The following PCDHGA11 variants were observed in gnomAD, a reference collection of about 807,000 sequenced individuals.
PCDHGA11 encodes protocadherin gamma subfamily A, 11.
In PCDHGA11, 39 loss-of-function variants were observed where a neutral mutation model predicts 60.4. That is an observed-to-expected ratio of 0.65 (90% CI 0.50 to 0.84). The LOEUF is 0.84. PCDHGA11 is among the 40% of genes least tolerant of loss of function. The pLI is 0.00. For synonymous variants in PCDHGA11, 533 were observed against 510.3 expected (o/e 1.04, Z -0.60); for missense variants, 1,165 against 1,197.7 (o/e 0.97, Z 0.40).
At chr5:141,427,770 C>T (rs775095791) in intron 1 of PCDHGA11, 2 of 1,399,194 alleles carry the variant, frequency 1.4e-6, no homozygotes, top group Non-Finnish European at 2.0e-6. Context: ...TGACTTGGAG[C>T]TGCGGGCACT....
rs779317191 is a variant in PCDHGA11, at chr5:141,432,553, C to G, written c.2433+8893C>G. The G allele has an allele frequency of 2.6e-5, 42 of 1,613,748 alleles. No individual in the cohort carries two copies. The highest frequency in any genetic ancestry group is 2.0e-4 in the South Asian group (18 of 91,068). The stretch of plus-strand genomic sequence containing the variant: ...AGGTGGTGGCGGTGGACAGAGACTC[C>G]GGCCAGAACGCCTGGCTGTCCTACC... On this transcript the variant is annotated intron_variant, in intron 1 of 3. Coordinates refer to ENST00000398587, the MANE Select transcript of PCDHGA11 (RefSeq NM_018914.3). The surrounding 1 kb of genome is among the most constrained non-coding windows in gnomAD (Gnocchi z 6.0).
chr5:141,433,256 C>T, intron 1 of PCDHGA11: 2 of 1,385,666 alleles, frequency 1.4e-6, no homozygotes, highest in Non-Finnish European at 2.0e-6. Context: ...TGCAGCGGTA[C>T]GATCATAGCT....
At chr5:141,463,518 G>C (rs537466389) in intron 1 of PCDHGA11, among the ~76,000 whole-genome samples, 1 of 139,068 alleles carries the variant, frequency 7.2e-6, no homozygotes, top group African/African-American at 2.8e-5. Context: ...GCGTGATCTC[G>C]GCTTACTAGA....
In PCDHGA11 at chr5:141,431,024, A is replaced by G; in HGVS notation, c.2433+7364A>G. ...CAGCGGCAGCTTGGTCACGGCGGGCAGGATAGACCGGGAGGAGCTCTGTAT... is the reference window on the plus strand; with the variant it reads ...CAGCGGCAGCTTGGTCACGGCGGGCGGGATAGACCGGGAGGAGCTCTGTAT... On this transcript the variant is annotated intron_variant, in intron 1 of 3. Transcript: ENST00000398587. The surrounding 1 kb of genome is among the most constrained non-coding windows in gnomAD (Gnocchi z 4.8). 2.5e-6 allele frequency: 4 copies of G among 1,614,024 alleles called. No homozygotes were observed. The highest frequency in any genetic ancestry group is 3.4e-6 in the Non-Finnish European group (4 of 1,179,926).
At chr5:141,423,852 G>T (rs796757517) in intron 1 of PCDHGA11, 192 bp downstream of exon 1, 36 of 1,279,400 alleles carry the variant, frequency 2.8e-5, no homozygotes, top group Non-Finnish European at 3.5e-5. Context: ...CTTTCAGAAC[G>T]TTTTTGTGAA....
chr5:141,485,185 G>C lies in PCDHGA11; in HGVS notation c.2434-9622G>C. On this transcript the variant is annotated intron_variant, in intron 1 of 3. Transcript: ENST00000398587. This position sits in a 1 kb window ranked among gnomAD's most constrained non-coding sequence, Gnocchi z 5.7. ...AGCGGGCGGCAGCAATGCTCCGCAA[G>C]GTGAGAAGCTGGACAGAAATCTGGC... 6.2e-7 allele frequency: 1 copy of C among 1,613,528 alleles called. No homozygotes were observed. Among genetic ancestry groups the C allele is most frequent in the Non-Finnish European group, 8.5e-7 (1 of 1,179,492 alleles).
In PCDHGA11 at chr5:141,486,913, G is replaced by A. The variant is rs2099636995; in HGVS notation, c.2434-7894G>A. ...CTGGTTCCTTATGTCCCCAAGCACT[G>A]CCTCCATCAGTTGGTGCTGGCCACC... On this transcript the variant is annotated intron_variant, in intron 1 of 3. Transcript: ENST00000398587. The surrounding 1 kb of genome is among the most constrained non-coding windows in gnomAD (Gnocchi z 5.0). The A allele has an allele frequency of 1.9e-6, 3 of 1,614,092 alleles. No individual in the cohort carries two copies. The highest frequency in any genetic ancestry group is 1.3e-5 in the African/African-American group (1 of 74,938).
At chr5:141,463,650 A>C (rs1206605758) in intron 1 of PCDHGA11, among the ~76,000 whole-genome samples, 1 of 151,746 alleles carries the variant, frequency 6.6e-6, no homozygotes, top group Non-Finnish European at 1.5e-5. Flanking sequence ...ACGGGGTTTC[A>C]CCGTGTTAGC....
intron 1 of PCDHGA11, among the ~76,000 whole-genome samples, chr5:141,451,606 G>C (rs2098720118): frequency 6.6e-6 from 1 of 152,152 alleles, no homozygotes; most frequent in Non-Finnish European, 1.5e-5. Flanking sequence ...ACAAGGCTAG[G>C]CATGGTGGCT....
At chr5:141,456,336 G>A (rs2098850873) in intron 1 of PCDHGA11, among the ~76,000 whole-genome samples, 1 of 152,242 alleles carries the variant, frequency 6.6e-6, no homozygotes, top group Non-Finnish European at 1.5e-5. Context: ...TGATCTAAGG[G>A]TCCTCGGAAG....
intron 2 of PCDHGA11, among the ~76,000 whole-genome samples, chr5:141,505,146 A>G (rs2099844101): frequency 6.6e-6 from 1 of 152,190 alleles, no homozygotes; most frequent in Non-Finnish European, 1.5e-5. Flanking sequence ...TGGATGACAG[A>G]GTAAGACCCT....
rs753936459 is a variant in PCDHGA11 at position 141,501,288 on chromosome 5, TATAC to T, written c.2493-4103_2493-4100del. Among the ~76,000 whole-genome samples the T allele has an allele frequency of 4.5e-4, 37 of 81,322 alleles. No homozygotes were observed. The South Asian group carries it at 5.1e-3, about 11-fold the overall frequency. 53.4% of individuals were successfully genotyped at this position (81,322 alleles called of 152,430 possible). A position where few individuals can be genotyped will look rare whatever the true frequency, so the allele number is the denominator to read the frequency against. ...TAGTCCAGTCTATGGGATATTCCCT[TATAC>T]ACACACACACACACACACACACACA... On this transcript the variant is annotated intron_variant, in intron 2 of 3. Coordinates refer to ENST00000398587, the MANE Select transcript of PCDHGA11 (RefSeq NM_018914.3).
intron 1 of PCDHGA11, chr5:141,440,531 C>G (rs931337116): frequency 6.6e-6 from 1 of 152,272 alleles, no homozygotes; most frequent in Middle Eastern, 3.4e-3. Flanking sequence ...GAATCATGCA[C>G]CACGGTTCAG....
chr5:141,474,847 GCCTTCT>G (rs906863967), intron 1 of PCDHGA11, among the ~76,000 whole-genome samples: 3 of 152,198 alleles, frequency 2.0e-5, no homozygotes, highest in African/African-American at 7.2e-5. Context: ...CACTTTACCT[GCCTTCT>G]TCATTTAATA....
Position 141,490,705 on chromosome 5 carries a change from C to T in PCDHGA11, c.2434-4102C>T. 1 of 1,614,194 alleles carries T rather than the reference C, an allele frequency of 6.2e-7. No individual in the cohort carries two copies. Among genetic ancestry groups the T allele is most frequent in the South Asian group, 1.1e-5 (1 of 91,082 alleles). On this transcript the variant is annotated intron_variant, in intron 1 of 3. Coordinates refer to ENST00000398587, the MANE Select transcript of PCDHGA11 (RefSeq NM_018914.3). This position sits in a 1 kb window ranked among gnomAD's most constrained non-coding sequence, Gnocchi z 5.4. ...TCCAGACACTGGGGATAATGCCCGC[C>T]TCACCTACTCCATTGTAGGAAATCA...
At chr5:141,435,050 C>A (rs2154556494) in intron 1 of PCDHGA11, among the ~76,000 whole-genome samples, 1 of 151,994 alleles carries the variant, frequency 6.6e-6, no homozygotes, top group East Asian at 1.9e-4. Flanking sequence ...TCCCATTGAC[C>A]ATGCAGCAGT....
chr5:141,489,428 G>C lies in PCDHGA11; in HGVS notation c.2434-5379G>C, dbSNP rs561792279. The C allele has an allele frequency of 1.2e-6, 2 of 1,613,994 alleles. No individual in the cohort carries two copies. Among genetic ancestry groups the C allele is most frequent in the Non-Finnish European group, 1.7e-6 (2 of 1,180,038 alleles). On this transcript the variant is annotated intron_variant, in intron 1 of 3. Coordinates refer to ENST00000398587, the MANE Select transcript of PCDHGA11 (RefSeq NM_018914.3). This position sits in a 1 kb window ranked among gnomAD's most constrained non-coding sequence, Gnocchi z 4.5. The stretch of plus-strand genomic sequence containing the variant: ...AAGATGACAGATCTGTTGAGCCGGC[G>C]GCTGCAATTGGGCTCTGAGGAGAAT...
intron 1 of PCDHGA11, among the ~76,000 whole-genome samples, chr5:141,467,809 C>T (rs1026263094): frequency 6.6e-6 from 1 of 152,056 alleles, no homozygotes. Flanking sequence ...CAGGCACATG[C>T]CACCACACCA....
At position 141,511,271 on chromosome 5, in the gene PCDHGA11, C is replaced by T. The variant is rs371445452; in HGVS notation, c.*98C>T. ...GCCTCAGAGTTTCAGGGCTAACCCC[C>T]AGAATACTGGTAGGGGCCAAGGCCA... On this transcript the variant is annotated 3_prime_UTR_variant, in exon 4 of 4. Transcript: ENST00000398587. 9.1e-6 allele frequency: 14 copies of T among 1,544,094 alleles called. No individual in the cohort carries two copies. In the African/African-American group the frequency reaches 1.6e-4, roughly 18 times the overall value.
Sources: gnomAD v4.1 joint callset for allele counts (sites outside exome capture counted in the v4.1 genomes callset) on GRCh38, gnomAD v4.1.1 for gene constraint, Gnocchi (gnomAD v3.1) non-coding constraint, MANE v1.5 for transcripts, NCBI Gene and HGNC (gene_info 2026-07-23, HGNC 2026-07-21) for gene names.